The following SMPD3 variants were observed in gnomAD, a reference collection of about 807,000 sequenced individuals.
SMPD3 encodes the protein nSMase-2.
SMPD3 carries 21 observed loss-of-function variants against 55.7 expected under a neutral mutation model. The ratio of observed to expected loss-of-function variants is 0.38; its 90% CI spans 0.27 to 0.54. The LOEUF (loss-of-function observed/expected upper bound fraction) is 0.54, where lower values mean the gene tolerates loss of function less well. Ranked by LOEUF, SMPD3 falls within the 20% of genes least tolerant of loss-of-function variation. The pLI is 0.80. For missense variants in SMPD3, 842 were observed against 899.6 expected, an observed-to-expected ratio of 0.94 and a Z score of 0.82; for synonymous variants, 457 against 404.3, an observed-to-expected ratio of 1.13 and a Z score of -1.56.
intron 1 of SMPD3, among the ~76,000 whole-genome samples, chr16:68,437,810 G>C (rs1183358720): frequency 1.3e-5 from 2 of 152,106 alleles, no homozygotes; most frequent in Non-Finnish European, 2.9e-5. Flanking sequence ...GAGAAATCTG[G>C]CGCAGAGTGC....
At chr16:68,426,990 T>C (rs891081957) in intron 1 of SMPD3, among the ~76,000 whole-genome samples, 1 of 144,310 alleles carries the variant, frequency 6.9e-6, no homozygotes, top group Admixed American at 6.8e-5. Flanking sequence ...CTCAGGTCTA[T>C]CTTTTTTTTT....
At chr16:68,394,128 C>A (rs1312491175) in intron 1 of SMPD3, among the ~76,000 whole-genome samples, 1 of 152,156 alleles carries the variant, frequency 6.6e-6, no homozygotes, top group South Asian at 2.1e-4. Context: ...CTAGGCTGAG[C>A]TGTTTTTTCA....
chr16:68,370,707 T>C lies in SMPD3; in HGVS notation c.1323+152A>G, dbSNP rs531923532. ...CCCTGTCCCCGAGCCAGGGCCCTGC[T>C]GTTTGGCTCCAGGAAAGACCGCGTC... On this transcript the variant is annotated intron_variant, in intron 3 of 8. Coordinates refer to ENST00000219334, the MANE Select transcript of SMPD3 (RefSeq NM_018667.4). 53 of 1,011,380 alleles carry C rather than the reference T, an allele frequency of 5.2e-5. 2 individuals carry two copies. Among genetic ancestry groups the C allele is most frequent in the African/African-American group, 4.4e-4 (27 of 61,944 alleles). 62.7% of individuals were successfully genotyped at this position (1,011,380 alleles called of 1,614,324 possible).
intron 7 of SMPD3, 95 bp from the exon 8 acceptor site, chr16:68,361,854 GGAGC>G: frequency 3.0e-6 from 4 of 1,349,462 alleles, no homozygotes; most frequent in East Asian, 2.9e-5. Context: ...TCCCAGTGTG[GGAGC>G]GGGTGGGTGG....
intron 2 of SMPD3, among the ~76,000 whole-genome samples, chr16:68,376,500 T>C (rs7202649): frequency 0.019 from 2,893 of 152,100 alleles, 124 homozygotes; most frequent in African/African-American, 0.065. Context: ...GAGGGCTGAG[T>C]TTTTGCAGCT....
chr16:68,382,427 C>T (rs939360118), intron 2 of SMPD3, among the ~76,000 whole-genome samples: 1 of 152,192 alleles, frequency 6.6e-6, no homozygotes, highest in Non-Finnish European at 1.5e-5. Flanking sequence ...GGGCACTGGG[C>T]GAGTCAGATG....
At chr16:68,370,749 C>G in intron 3 of SMPD3, 110 bp downstream of exon 3, 1 of 1,421,288 alleles carries the variant, frequency 7.0e-7, no homozygotes, top group Non-Finnish European at 9.5e-7. Context: ...CCACTCCAAC[C>G]TCCCACTCCA....
intron 1 of SMPD3, among the ~76,000 whole-genome samples, chr16:68,400,730 C>A (rs956243946): frequency 1.3e-5 from 2 of 152,180 alleles, no homozygotes; most frequent in Admixed American, 6.5e-5. Context: ...TCTCCAGCCC[C>A]GACAAAGGTG....
chr16:68,412,119 C>T (rs375619779), intron 1 of SMPD3, among the ~76,000 whole-genome samples: 6 of 152,158 alleles, frequency 3.9e-5, no homozygotes, highest in East Asian at 1.9e-4. Flanking sequence ...GCCCGGGAGG[C>T]CAGAGGAGGC....
At chr16:68,418,609 A>T (rs1026209763) in intron 1 of SMPD3, among the ~76,000 whole-genome samples, 1 of 152,226 alleles carries the variant, frequency 6.6e-6, no homozygotes, top group African/African-American at 2.4e-5. Context: ...ATCCCCCTGC[A>T]GGCAGCAGAG....
chr16:68,362,058 T>TC (rs1158988753), intron 7 of SMPD3, among the ~76,000 whole-genome samples: 1 of 152,168 alleles, frequency 6.6e-6, no homozygotes, highest in Non-Finnish European at 1.5e-5. Context: ...TCCCACCCGT[T>TC]CCCCAGAATG....
intron 1 of SMPD3, among the ~76,000 whole-genome samples, chr16:68,436,420 C>A (rs905028001): frequency 1.3e-5 from 2 of 152,154 alleles, no homozygotes; most frequent in Non-Finnish European, 2.9e-5. Context: ...GCTTCCAGTG[C>A]TCTCTGCTCC....
intron 2 of SMPD3, among the ~76,000 whole-genome samples, chr16:68,375,078 G>A (rs909507966): frequency 4.6e-5 from 7 of 152,156 alleles, no homozygotes; most frequent in Admixed American, 3.3e-4. Context: ...AGCCCAGCCT[G>A]GCCAGCACCA....
chr16:68,389,858 C>G (rs1273931671), intron 1 of SMPD3, among the ~76,000 whole-genome samples: 3 of 152,196 alleles, frequency 2.0e-5, no homozygotes, highest in Non-Finnish European at 4.4e-5. Context: ...CTGATCCAGA[C>G]CTCAAGAAAG....
intron 1 of SMPD3, among the ~76,000 whole-genome samples, chr16:68,418,173 A>G (rs1388744919): frequency 6.6e-6 from 1 of 152,100 alleles, no homozygotes. Context: ...TCACTTTCTC[A>G]TGGGAGAAAG....
Position 68,371,250 on chromosome 16 carries a change from G to T in SMPD3, c.932C>A (p.Thr311Asn). Residue 311 changes from threonine (T) to asparagine (N), a missense_variant, in exon 3 of 9, where the codon ACC becomes AAC. Transcript: ENST00000219334. ...SLVKGRAGPD[T>N]SASGEPGANS... ...GGCACCTGGCTCCCCGCTGGCACTG[G>T]TGTCTGGCCCAGCTCGCCCCTTCAC... The T allele has an allele frequency of 6.2e-7, 1 of 1,606,732 alleles. No homozygotes were observed. Among genetic ancestry groups the T allele is most frequent in the South Asian group, 1.1e-5 (1 of 90,370 alleles).
intron 3 of SMPD3, chr16:68,369,640 T>C (rs2089593979): frequency 6.6e-6 from 1 of 152,150 alleles, no homozygotes; most frequent in African/African-American, 2.4e-5. Context: ...TATGCCAAAA[T>C]GGGAAGGTTG....
At chr16:68,385,485 G>A (rs2090037161) in intron 2 of SMPD3, among the ~76,000 whole-genome samples, 1 of 152,062 alleles carries the variant, frequency 6.6e-6, no homozygotes, top group South Asian at 2.1e-4. Context: ...TGAGCCATTG[G>A]TGAAAACTCC....
chr16:68,447,667 C>T lies in SMPD3; in HGVS notation c.-269+686G>A, dbSNP rs79952065. Reference sequence around the variant, plus strand: ...AGAAGGATGGGGAGGGGTCTCCCAGCGTTTCCCTGCCACATTCCAATTCCA... The same window carrying T: ...AGAAGGATGGGGAGGGGTCTCCCAGTGTTTCCCTGCCACATTCCAATTCCA... On this transcript the variant is annotated intron_variant, in intron 1 of 8. Transcript: ENST00000219334. The surrounding 1 kb of genome is among the most constrained non-coding windows in gnomAD (Gnocchi z 5.1). Among the ~76,000 whole-genome samples, 2,063 of 152,256 alleles carry T rather than the reference C, an allele frequency of 0.014. 20 individuals are homozygous for T. Among genetic ancestry groups the T allele is most frequent in the Non-Finnish European group, 0.022 (1,502 of 67,996 alleles).
Sources: gnomAD v4.1 joint callset for allele counts (sites outside exome capture counted in the v4.1 genomes callset) on GRCh38, gnomAD v4.1.1 for gene constraint, Gnocchi (gnomAD v3.1) non-coding constraint, MANE v1.5 for transcripts, NCBI Gene and HGNC (gene_info 2026-07-23, HGNC 2026-07-21) for gene names.